The following RALGAPB variants were observed in gnomAD, a reference collection of about 807,000 sequenced individuals.
RALGAPB encodes ral GTPase-activating protein subunit beta.
Under a neutral mutation model 161.1 loss-of-function variants are expected in RALGAPB, and 25 were observed. The ratio of observed to expected loss-of-function variants is 0.16; its 90% CI spans 0.11 to 0.22. The LOEUF (loss-of-function observed/expected upper bound fraction) is 0.22, where lower values mean the gene tolerates loss of function less well. Ranked by LOEUF, RALGAPB falls within the 10% of genes least tolerant of loss-of-function variation. The probability of loss-of-function intolerance (pLI) is 1.00; values close to 1 mark genes in which losing one functional copy is unlikely to be tolerated. For missense variants in RALGAPB, 1,391 were observed against 1,815.2 expected (o/e 0.77, Z 4.25); for synonymous variants, 629 against 626.1 (o/e 1.00, Z -0.07).
intron 5 of RALGAPB, among the ~76,000 whole-genome samples, chr20:38,508,828 A>G (rs1238829712): frequency 6.6e-6 from 1 of 152,208 alleles, no homozygotes; most frequent in East Asian, 1.9e-4. Context: ...GTACATAATG[A>G]TGTTTTGATA....
In RALGAPB at chr20:38,480,883, G is replaced by A. The variant is rs1600818140; in HGVS notation, c.-30-7520G>A. ...CTCCTGAGTAGCTGGGACTACAGGCGTGTGCCACCACGCCCGGCTAATTTT... is the reference window on the plus strand; with the variant it reads ...CTCCTGAGTAGCTGGGACTACAGGCATGTGCCACCACGCCCGGCTAATTTT... On this transcript the variant is annotated intron_variant, in intron 1 of 29. Transcript: ENST00000262879. Among the ~76,000 whole-genome samples, 7 of 151,644 alleles carry A rather than the reference G, an allele frequency of 4.6e-5. No individual in the cohort carries two copies. In the South Asian group the frequency reaches 1.0e-3, roughly 23 times the overall value.
chr20:38,545,474 A>C (rs2087131628), intron 18 of RALGAPB, among the ~76,000 whole-genome samples: 1 of 152,182 alleles, frequency 6.6e-6, no homozygotes, highest in African/African-American at 2.4e-5. Context: ...TTGTGGTTCT[A>C]ATATCATCTG....
intron 10 of RALGAPB, among the ~76,000 whole-genome samples, chr20:38,522,331 C>A (rs2086314525): frequency 6.6e-6 from 1 of 152,216 alleles, no homozygotes. Context: ...CCTCTGCCAT[C>A]CATTCAGTTG....
intron 28 of RALGAPB, among the ~76,000 whole-genome samples, chr20:38,572,979 A>G (rs1464817482): frequency 1.3e-5 from 2 of 152,080 alleles, no homozygotes; most frequent in Non-Finnish European, 2.9e-5. Flanking sequence ...TATGACACTA[A>G]CTTGCTAAAG....
At chr20:38,526,481 G>C (rs1437232743) in intron 13 of RALGAPB, among the ~76,000 whole-genome samples, 1 of 151,932 alleles carries the variant, frequency 6.6e-6, no homozygotes, top group Non-Finnish European at 1.5e-5. Context: ...TTTCGTCCTA[G>C]TCCTTTTTTT....
rs1938133638 is a variant in RALGAPB at position 38,532,638 on chromosome 20, C to G, written c.2116-92C>G. Reference sequence around the variant, plus strand: ...GTTTGTACTATTCAGTTGGCACATTCTGCTTTATCAACATGGTTTTTAATG... The same window carrying G: ...GTTTGTACTATTCAGTTGGCACATTGTGCTTTATCAACATGGTTTTTAATG... On this transcript the variant is annotated intron_variant, in intron 14 of 29. Coordinates refer to ENST00000262879, the MANE Select transcript of RALGAPB (RefSeq NM_020336.4). 41 of 1,478,132 alleles carry G rather than the reference C, an allele frequency of 2.8e-5. 2 individuals carry two copies. In the South Asian group the frequency reaches 4.8e-4, roughly 17 times the overall value. The allele number at this position is 1,478,132 out of a possible 1,614,324, so 91.6% of individuals were successfully genotyped here. A position where few individuals can be genotyped will look rare whatever the true frequency, so the allele number is the denominator to read the frequency against.
intron 1 of RALGAPB, among the ~76,000 whole-genome samples, chr20:38,486,873 C>G (rs921098758): frequency 6.6e-6 from 1 of 152,206 alleles, no homozygotes. Flanking sequence ...CCTTGACACT[C>G]TCAAACACAT....
intron 1 of RALGAPB, among the ~76,000 whole-genome samples, chr20:38,480,040 G>C (rs2084922109): frequency 6.6e-6 from 1 of 151,676 alleles, no homozygotes; most frequent in Non-Finnish European, 1.5e-5. Context: ...GGAGTGCAGT[G>C]GTGCGATTTT....
rs569124420 is a variant in RALGAPB at position 38,570,112 on chromosome 20, T to TC, written c.4063+117dup. The TC allele has an allele frequency of 2.0e-4, 154 of 762,126 alleles. 1 individual carries two copies. The highest frequency in any genetic ancestry group is 1.8e-3 in the East Asian group (67 of 37,560). 47.2% of individuals were successfully genotyped at this position (762,126 alleles called of 1,614,324 possible). A position where few individuals can be genotyped will look rare whatever the true frequency, so the allele number is the denominator to read the frequency against. On this transcript the variant is annotated intron_variant, in intron 27 of 29. Transcript: ENST00000262879. ...TGTGGCCAGGAGCTAGTCCTGGAGT[T>TC]CAGCAAGCCTTGGTTTGTACCCCAG...
In RALGAPB at chr20:38,520,863, A is replaced by G. The variant is rs6015266; in HGVS notation, c.1418-634A>G. ...ATGACCATGATAATCTTTTTTATCA[A>G]TCCAATTTTCTGATTTATCAGCCTC... On this transcript the variant is annotated intron_variant, in intron 9 of 29. Transcript: ENST00000262879. 2.9e-4 allele frequency among the ~76,000 whole-genome samples: 44 copies of G among 152,320 alleles called. 2 individuals are homozygous for G. The highest frequency in any genetic ancestry group is 7.7e-4 in the African/African-American group (32 of 41,578).
At chr20:38,509,604 G>A (rs1238392497) in intron 6 of RALGAPB, among the ~76,000 whole-genome samples, 2 of 152,140 alleles carry the variant, frequency 1.3e-5, no homozygotes, top group Non-Finnish European at 2.9e-5. Flanking sequence ...TCCTCCAATA[G>A]CCTGTTTAAA....
rs1055197668 is a variant in RALGAPB, at chr20:38,534,904, A to C, written c.2246-170A>C. The stretch of plus-strand genomic sequence containing the variant: ...TAGCACATGTGCCTGTGCACCGTGT[A>C]GTCAGGCTTGGCACTCAACCCAGTG... On this transcript the variant is annotated intron_variant, in intron 15 of 29. Coordinates refer to ENST00000262879, the MANE Select transcript of RALGAPB (RefSeq NM_020336.4). 9.2e-5 allele frequency among the ~76,000 whole-genome samples: 14 copies of C among 152,234 alleles called. 1 individual carries two copies. The highest frequency in any genetic ancestry group is 2.1e-4 in the Non-Finnish European group (14 of 68,030).
chr20:38,490,542 T>G (rs2085250334), intron 2 of RALGAPB, among the ~76,000 whole-genome samples: 1 of 149,156 alleles, frequency 6.7e-6, no homozygotes, highest in Non-Finnish European at 1.5e-5. Flanking sequence ...GTCTCGCTCT[T>G]GTTGGCCAGG....
At chr20:38,549,142 C>T (rs1568965655) in intron 20 of RALGAPB, among the ~76,000 whole-genome samples, 1 of 151,916 alleles carries the variant, frequency 6.6e-6, no homozygotes, top group Non-Finnish European at 1.5e-5. Context: ...TTTGGTGGGA[C>T]TTTTGATTTG....
chr20:38,562,668 G>T lies in RALGAPB; in HGVS notation c.3668G>T (p.Cys1223Phe). Residue 1223 changes from cysteine to phenylalanine, a missense_variant, in exon 24 of 30, where the codon TGT (cysteine) becomes TTT (phenylalanine). This residue lies in a region of RALGAPB where 436 missense variants were observed against 527.0 expected (regional missense o/e 0.83). Transcript: ENST00000262879. ...GTTTCTACCAGTTGGTCTATTAATTGTTGTGATGATGGTGAAGGATCTCAA... is the reference window on the plus strand; with the variant it reads ...GTTTCTACCAGTTGGTCTATTAATTTTTGTGATGATGGTGAAGGATCTCAA... ...GHVSTSWSIN[C>F]CDDGEGSQQE... 1 of 1,612,446 alleles carries T rather than the reference G, an allele frequency of 6.2e-7. No individual in the cohort carries two copies. Among genetic ancestry groups the T allele is most frequent in the Non-Finnish European group, 8.5e-7 (1 of 1,179,430 alleles).
chr20:38,509,072 T>C lies in RALGAPB; in HGVS notation c.741-5T>C. 6.2e-7 allele frequency: 1 copy of C among 1,613,230 alleles called. No individual in the cohort carries two copies. Among genetic ancestry groups the C allele is most frequent in the Non-Finnish European group, 8.5e-7 (1 of 1,179,246 alleles). On this transcript the variant is annotated splice_polypyrimidine_tract_variant and splice_region_variant and intron_variant, in intron 5 of 29. Transcript: ENST00000262879. ...TGGACTCAGTGGTGTGCATTTATTT[T>C]CTAGATTGCTACGCTTTACATATGG...
In RALGAPB at chr20:38,525,535, GT is replaced by G; in HGVS notation, c.1902+24del. The G allele has an allele frequency of 7.2e-6, 11 of 1,521,988 alleles. No homozygotes were observed. Among genetic ancestry groups the G allele is most frequent in the Non-Finnish European group, 1.0e-5 (11 of 1,100,022 alleles). 94.3% of individuals were successfully genotyped at this position (1,521,988 alleles called of 1,614,324 possible). A position where few individuals can be genotyped will look rare whatever the true frequency, so the allele number is the denominator to read the frequency against. ...AAATCTGAGGTAATGTTTTGTTAAA[GT>G]TTTTTTATATCCTATATTCTGTTTT... On this transcript the variant is annotated intron_variant, in intron 12 of 29. Coordinates refer to ENST00000262879, the MANE Select transcript of RALGAPB (RefSeq NM_020336.4).
chr20:38,548,802 A>T lies in RALGAPB; in HGVS notation c.3009+7A>T. ...AGCAAAAGCAAATCAGAAGGTATTC[A>T]TCAGAAGTTACAGGGAAGTGTGTGT... On this transcript the variant is annotated splice_region_variant and intron_variant, in intron 20 of 29. Transcript: ENST00000262879. 1 of 1,593,990 alleles carries T rather than the reference A, an allele frequency of 6.3e-7. No individual in the cohort carries two copies. Among genetic ancestry groups the T allele is most frequent in the Non-Finnish European group, 8.6e-7 (1 of 1,161,638 alleles).
At position 38,548,690 on chromosome 20, in the gene RALGAPB, T is replaced by C; in HGVS notation, c.2904T>C (p.Asn968=). The part of the protein sequence containing the change: ...MLEQPLGNEQ[N]DFFPSVTVLV... ...TTTTATATACATATTTTATTCTAGA[T>C]GATTTTTTCCCCTCTGTCACTGTGC... The change falls in exon 20 of 30, where the codon AAT becomes AAC. Residue 968 remains asparagine (N), a splice_region_variant and synonymous_variant. Transcript: ENST00000262879. The C allele has an allele frequency of 1.2e-6, 2 of 1,609,268 alleles. No homozygotes were observed. Among genetic ancestry groups the C allele is most frequent in the Non-Finnish European group, 1.7e-6 (2 of 1,176,076 alleles).
Sources: gnomAD v4.1 joint callset for allele counts (sites outside exome capture counted in the v4.1 genomes callset) on GRCh38, gnomAD v4.1.1 for gene constraint, gnomAD v4.1.1 regional missense constraint, MANE v1.5 for transcripts, NCBI Gene and HGNC (gene_info 2026-07-23, HGNC 2026-07-21) for gene names.